DIPK2B: variants seen among roughly 807,000 people sequenced by gnomAD.
DIPK2B encodes the protein divergent protein kinase domain 2B, also known as UPF0672 protein CXorf36.
A neutral mutation model predicts 22.2 loss-of-function variants in DIPK2B; 15 were observed. That is an observed-to-expected ratio of 0.68 (90% CI 0.45 to 1.04). DIPK2B has a LOEUF of 1.04. DIPK2B is among the 50% of genes least tolerant of loss of function. The pLI is 0.00. For synonymous variants in DIPK2B, 163 were observed against 153.2 expected (o/e 1.06, Z -0.47); for missense variants, 345 against 348.3 (o/e 0.99, Z 0.08).
chrX:45,198,480 A>G (rs1279772064), intron 1 of DIPK2B, among the ~76,000 whole-genome samples: 3 of 111,168 alleles, frequency 2.7e-5, no homozygotes, highest in African/African-American at 6.6e-5. Context: ...TCCTGCTTGT[A>G]TCTGCACACT....
intron 2 of DIPK2B, chrX:45,163,022 TC>T: frequency 1.6e-6 from 1 of 641,275 alleles, no homozygotes. Context: ...TAGGCTGTAT[TC>T]CCCAGTTATT....
At position 45,148,699 on chromosome X, in the gene DIPK2B, G is replaced by T. The variant is rs1010688486; in HGVS notation, c.*2953C>A. The T allele has an allele frequency of 3.6e-5, 4 of 112,400 alleles. No homozygotes were observed. The highest frequency in any genetic ancestry group is 7.4e-5 in the Non-Finnish European group (4 of 54,026). The allele number at this position is 112,400 out of a possible 1,213,427, so 9.3% of individuals were successfully genotyped here. A position where few individuals can be genotyped will look rare whatever the true frequency, so the allele number is the denominator to read the frequency against. ...ATCAGGCCCCACCTCCAATGCTGGG[G>T]ATCACATTTCAACATGAGATTTGGA... On this transcript the variant is annotated 3_prime_UTR_variant, in exon 5 of 5. Coordinates refer to ENST00000398000, the MANE Select transcript of DIPK2B (RefSeq NM_176819.4).
chrX:45,191,519 T>C (rs753468481), intron 2 of DIPK2B: 217 of 393,808 alleles, frequency 5.5e-4, no homozygotes, highest in Non-Finnish European at 8.4e-4. Flanking sequence ...GAATCGTCAC[T>C]GAGGATCACA....
At chrX:45,155,021 C>T (rs1428669730) in intron 3 of DIPK2B, among the ~76,000 whole-genome samples, 1 of 112,729 alleles carries the variant, frequency 8.9e-6, no homozygotes, top group Non-Finnish European at 1.9e-5. Flanking sequence ...GGTACAGTGG[C>T]TCACGCCTGT....
At chrX:45,157,334 T>A (rs951519405) in intron 3 of DIPK2B, among the ~76,000 whole-genome samples, 5 of 111,657 alleles carry the variant, frequency 4.5e-5, no homozygotes, top group African/African-American at 1.6e-4. Flanking sequence ...CTTCCAAGCA[T>A]AGATGCAAGG....
chrX:45,153,993 T>A lies in DIPK2B; in HGVS notation c.878A>T (p.Asp293Val). 2 of 1,210,927 alleles carry A rather than the reference T, an allele frequency of 1.7e-6. No homozygotes were observed. The highest frequency in any genetic ancestry group is 1.1e-6 in the Non-Finnish European group (1 of 895,159). Residue 293 changes from aspartate (D) to valine (V), a missense_variant, in exon 4 of 5, where the codon GAT (aspartate) becomes GTT (valine). Physicochemically the swap from Asp to Val is radical, Grantham distance 152. Coordinates refer to ENST00000398000, the MANE Select transcript of DIPK2B (RefSeq NM_176819.4). ...LNYFFYFTHIDAGMFGVFNNG... is the reference protein window; with the variant it reads ...LNYFFYFTHIVAGMFGVFNNG... ...GTTAAAGACGCCGAACATGCCTGCA[T>A]CAATGTGGGTGAAGTAGAAGAAATA...
chrX:45,194,267 T>TGA (rs1556405311), intron 1 of DIPK2B, among the ~76,000 whole-genome samples: 11 of 108,061 alleles, frequency 1.0e-4, no homozygotes, highest in Non-Finnish European at 2.1e-4. Flanking sequence ...TTTTTTTTTT[T>TGA]GAGAGAGAGT....
At chrX:45,194,575 C>T (rs1324545470) in intron 1 of DIPK2B, among the ~76,000 whole-genome samples, 2 of 111,367 alleles carry the variant, frequency 1.8e-5, no homozygotes, top group African/African-American at 6.5e-5. Flanking sequence ...TTGTTTCCTT[C>T]ACCACTTTGT....
intron 2 of DIPK2B, 93 bp from the exon 3 acceptor site, chrX:45,157,981 C>G: frequency 8.6e-6 from 1 of 116,108 alleles, no homozygotes; most frequent in Non-Finnish European, 1.2e-5. Context: ...GCAGATCCTG[C>G]TGTTGGGGGT....
chrX:45,160,364 T>A (rs775547576), intron 2 of DIPK2B, among the ~76,000 whole-genome samples: 11 of 110,602 alleles, frequency 9.9e-5, no homozygotes, highest in Non-Finnish European at 2.1e-4. Context: ...TGCACTGCCA[T>A]GCCTGGCTAA....
At chrX:45,189,764 T>C (rs1180194128) in intron 2 of DIPK2B, among the ~76,000 whole-genome samples, 2 of 111,532 alleles carry the variant, frequency 1.8e-5, no homozygotes, top group East Asian at 2.8e-4. Flanking sequence ...ATAGAGAAGA[T>C]GGTGCCAAAA....
chrX:45,191,234 T>G (rs1012072296), intron 2 of DIPK2B, among the ~76,000 whole-genome samples: 2 of 112,769 alleles, frequency 1.8e-5, no homozygotes, highest in African/African-American at 6.4e-5. Flanking sequence ...GGGAAGAGGA[T>G]GCTGTATTGT....
rs770176213 is a variant in DIPK2B, at chrX:45,157,746, A to C, written c.641T>G (p.Leu214Arg). 1 of 1,198,236 alleles carries C rather than the reference A, an allele frequency of 8.3e-7. No homozygotes were observed. The highest frequency in any genetic ancestry group is 1.1e-6 in the Non-Finnish European group (1 of 888,958). Reference protein sequence around the residue: ...DRDKLRLLYTLAVNSHPILLQ... With the variant: ...DRDKLRLLYTRAVNSHPILLQ... ...GAGGATGGGGTGCGAGTTGACAGCC[A>C]GCGTGTAGAGCAGGCGCAGCTTGTC... The change falls in exon 3 of 5, where the codon CTG becomes CGG. Residue 214 changes from leucine (L) to arginine (R), a missense_variant. Transcript: ENST00000398000.
chrX:45,159,746 A>G (rs1449338239), intron 2 of DIPK2B, among the ~76,000 whole-genome samples: 1 of 111,896 alleles, frequency 8.9e-6, no homozygotes, highest in Admixed American at 9.5e-5. Flanking sequence ...TACAACTTTC[A>G]TGGGCCCTTA....
At chrX:45,156,132 A>AT (rs59628688) in intron 3 of DIPK2B, among the ~76,000 whole-genome samples, 2,204 of 101,627 alleles carry the variant, frequency 0.022, 88 homozygotes, top group African/African-American at 0.075. Flanking sequence ...GTGCCTGGCT[A>AT]TTTTTTTTTT....
chrX:45,157,951 G>T, intron 2 of DIPK2B, 63 bp from the exon 3 acceptor site: 3 of 663,533 alleles, frequency 4.5e-6, no homozygotes, highest in Admixed American at 4.4e-5. Context: ...CTTGTGGGGG[G>T]TTAGCAGGAG....
chrX:45,200,842 C>T lies in DIPK2B; in HGVS notation c.-16G>A. 4 of 1,138,426 alleles carry T rather than the reference C, an allele frequency of 3.5e-6. No individual in the cohort carries two copies. Among genetic ancestry groups the T allele is most frequent in the Admixed American group, 5.2e-5 (2 of 38,778 alleles). The allele number at this position is 1,138,426 out of a possible 1,213,427, so 93.8% of individuals were successfully genotyped here. On this transcript the variant is annotated 5_prime_UTR_variant, in exon 1 of 5. Transcript: ENST00000398000. ...GGGGCTCCATCTTGGGCTCTGGGCT[C>T]CAGCTGCAGCCTCTGGCTGTCCACT...
At chrX:45,190,868 T>C (rs2047207137) in intron 2 of DIPK2B, among the ~76,000 whole-genome samples, 1 of 112,510 alleles carries the variant, frequency 8.9e-6, no homozygotes, top group Admixed American at 9.4e-5. Context: ...TCTACTGTAC[T>C]GTTATTACGG....
rs1325863135 is a variant in DIPK2B at position 45,151,034 on chromosome X, T to G, written c.*618A>C. The G allele has an allele frequency of 9.0e-6, 1 of 110,845 alleles. No individual in the cohort carries two copies. The highest frequency in any genetic ancestry group is 3.3e-5 in the African/African-American group (1 of 30,361). 9.1% of individuals were successfully genotyped at this position (110,845 alleles called of 1,213,427 possible). ...GCCCCATGCGCAGGTGTATGGAGCC[T>G]CAGGTACCAGGCTCTAGGTGGTGGC... On this transcript the variant is annotated 3_prime_UTR_variant, in exon 5 of 5. Transcript: ENST00000398000.
Sources: allele counts gnomAD v4.1 joint callset (sites outside exome capture counted in the v4.1 genomes callset), GRCh38; gene constraint gnomAD v4.1.1; transcripts MANE v1.5; gene names NCBI Gene and HGNC (gene_info 2026-07-23, HGNC 2026-07-21).